Variants in GRIA4 observed in about 807,000 individuals in gnomAD.
GRIA4 encodes the protein glutamate receptor 4.
Under a neutral mutation model 104.0 loss-of-function variants are expected in GRIA4, and 34 were observed. That is an observed-to-expected ratio of 0.33 (90% CI 0.25 to 0.44). GRIA4 has a LOEUF of 0.44. Ranked by LOEUF, GRIA4 falls within the 20% of genes least tolerant of loss-of-function variation. The pLI, the probability that GRIA4 is intolerant of heterozygous loss-of-function variation, is 1.00. For missense variants in GRIA4, 750 were observed against 1,096.5 expected (o/e 0.68, Z 4.46); for synonymous variants, 386 against 381.9 (o/e 1.01, Z -0.13).
intron 14 of GRIA4, among the ~76,000 whole-genome samples, chr11:105,968,641 C>T (rs1591497469): frequency 6.6e-6 from 1 of 152,182 alleles, no homozygotes. Flanking sequence ...TTGTGGGGTA[C>T]AAATTCCTTC....
intron 5 of GRIA4, among the ~76,000 whole-genome samples, chr11:105,866,567 A>ATG (rs1262028720): frequency 2.6e-5 from 3 of 114,888 alleles, no homozygotes; most frequent in Non-Finnish European, 5.9e-5. Flanking sequence ...ATATATATAT[A>ATG]TATATATATA....
intron 3 of GRIA4, among the ~76,000 whole-genome samples, chr11:105,676,195 T>A (rs1034113366): frequency 6.6e-6 from 1 of 151,756 alleles, no homozygotes; most frequent in African/African-American, 2.4e-5. Context: ...GATGGATATA[T>A]AAATTACTAT....
chr11:105,903,368 C>T (rs1946927920), intron 7 of GRIA4, among the ~76,000 whole-genome samples: 1 of 152,206 alleles, frequency 6.6e-6, no homozygotes, highest in Admixed American at 6.5e-5. Context: ...TATATTAAAT[C>T]TCAGGGAACC....
At chr11:105,897,871 G>A (rs937017864) in intron 6 of GRIA4, among the ~76,000 whole-genome samples, 4 of 151,934 alleles carry the variant, frequency 2.6e-5, no homozygotes, top group Admixed American at 6.6e-5. Context: ...TGTAGTTTTC[G>A]TTTTTATTGT....
chr11:105,616,237 C>G (rs1413765437), intron 3 of GRIA4, among the ~76,000 whole-genome samples: 1 of 151,318 alleles, frequency 6.6e-6, no homozygotes, highest in Non-Finnish European at 1.5e-5. Flanking sequence ...TCATTTTATT[C>G]AATTGTTTAC....
At chr11:105,664,763 CG>C (rs1156895160) in intron 3 of GRIA4, among the ~76,000 whole-genome samples, 1 of 151,902 alleles carries the variant, frequency 6.6e-6, no homozygotes, top group Non-Finnish European at 1.5e-5. Flanking sequence ...AAAAATGTCA[CG>C]GGATCTCAAA....
rs941523850 is a variant in GRIA4, at chr11:105,676,301, A to C, written c.247+63867A>C. ...CAGCAGTTGGTATCTACTCTAGAAA[A>C]ATACTTGCCCAAGTACACAGGAGGC... On this transcript the variant is annotated intron_variant, in intron 3 of 16. Transcript: ENST00000282499. Among the ~76,000 whole-genome samples the C allele has an allele frequency of 2.6e-5, 4 of 151,674 alleles. No homozygotes were observed. In the Admixed American group the frequency reaches 2.6e-4, roughly 10 times the overall value.
intron 3 of GRIA4, among the ~76,000 whole-genome samples, chr11:105,660,826 T>C (rs551954018): frequency 6.6e-6 from 1 of 151,786 alleles, no homozygotes; most frequent in African/African-American, 2.4e-5. Context: ...ATTGCAGTCA[T>C]TTGATACTAT....
chr11:105,669,317 T>C (rs1282782815), intron 3 of GRIA4, among the ~76,000 whole-genome samples: 2 of 152,076 alleles, frequency 1.3e-5, no homozygotes, highest in Non-Finnish European at 2.9e-5. Flanking sequence ...CTAATGTATA[T>C]GTAAATGTGT....
In GRIA4 at chr11:105,956,280, C is replaced by T. The variant is rs182127817; in HGVS notation, c.2295-15634C>T. ...CCGCTCCCCCCACCCCACAACAGGC[C>T]CCAGTTTGTGATGTTCCCTACACTG... On this transcript the variant is annotated intron_variant, in intron 14 of 16. Coordinates refer to ENST00000282499, the MANE Select transcript of GRIA4 (RefSeq NM_000829.4). 3.3e-3 allele frequency among the ~76,000 whole-genome samples: 496 copies of T among 151,960 alleles called. 6 individuals carry two copies. Among genetic ancestry groups the T allele is most frequent in the African/African-American group, 0.011 (475 of 41,442 alleles).
intron 4 of GRIA4, among the ~76,000 whole-genome samples, chr11:105,790,934 A>C (rs1942187567): frequency 6.6e-6 from 1 of 152,100 alleles, no homozygotes. Flanking sequence ...TCCATTGCAA[A>C]ATGCTCTTCG....
At chr11:105,686,306 T>A (rs7935535) in intron 3 of GRIA4, among the ~76,000 whole-genome samples, 1,568 of 152,314 alleles carry the variant, frequency 0.01, 25 homozygotes, top group African/African-American at 0.035. Context: ...CTCCTAGTTA[T>A]AAGTAAGAAC....
At chr11:105,787,866 T>G (rs759667648) in intron 4 of GRIA4, among the ~76,000 whole-genome samples, 11 of 152,176 alleles carry the variant, frequency 7.2e-5, no homozygotes, top group Admixed American at 1.3e-4. Flanking sequence ...CCTTTAGTTT[T>G]TGGGTTGTTT....
chr11:105,962,330 T>G (rs547008134), intron 14 of GRIA4, among the ~76,000 whole-genome samples: 30 of 152,294 alleles, frequency 2.0e-4, no homozygotes, highest in African/African-American at 7.0e-4. Flanking sequence ...AAGGAAATCT[T>G]ACTTTGCACT....
chr11:105,734,076 A>C (rs1236801322), intron 3 of GRIA4, among the ~76,000 whole-genome samples: 2 of 147,528 alleles, frequency 1.4e-5, no homozygotes, highest in African/African-American at 4.9e-5. Context: ...TAATATATAT[A>C]TTTTATACAT....
chr11:105,675,105 G>C (rs1952494188), intron 3 of GRIA4, among the ~76,000 whole-genome samples: 1 of 151,836 alleles, frequency 6.6e-6, no homozygotes, highest in East Asian at 1.9e-4. Flanking sequence ...TTATAGCTGA[G>C]ACTCAGAAAA....
At chr11:105,881,615 C>T (rs1946062754) in intron 5 of GRIA4, among the ~76,000 whole-genome samples, 1 of 152,076 alleles carries the variant, frequency 6.6e-6, no homozygotes, top group Admixed American at 6.6e-5. Flanking sequence ...ACTCTTCTTT[C>T]TCTCTCCGTC....
chr11:105,921,967 A>C (rs552069349), intron 11 of GRIA4, among the ~76,000 whole-genome samples: 4 of 152,250 alleles, frequency 2.6e-5, no homozygotes, highest in African/African-American at 9.6e-5. Flanking sequence ...AAACACACAC[A>C]AAAATAATTT....
chr11:105,728,772 A>C (rs1938389896), intron 3 of GRIA4, among the ~76,000 whole-genome samples: 1 of 152,208 alleles, frequency 6.6e-6, no homozygotes, highest in South Asian at 2.1e-4. Context: ...TAACGAAATT[A>C]AGGCAGAAAT....
Sources: gnomAD v4.1 joint callset for allele counts (sites outside exome capture counted in the v4.1 genomes callset) on GRCh38, gnomAD v4.1.1 for gene constraint, MANE v1.5 for transcripts, NCBI Gene and HGNC (gene_info 2026-07-23, HGNC 2026-07-21) for gene names.